The following TRPC6 variants were observed in gnomAD, a reference collection of about 807,000 sequenced individuals.
TRPC6 encodes transient receptor potential cation channel subfamily C member 6.
A neutral mutation model predicts 90.7 loss-of-function variants in TRPC6; 55 were observed. The ratio of observed to expected loss-of-function variants is 0.61; its 90% CI spans 0.49 to 0.76. The LOEUF is 0.76. Ranked by LOEUF, TRPC6 falls within the 30% of genes least tolerant of loss-of-function variation. The pLI is 0.00. For synonymous variants in TRPC6, 393 were observed against 393.0 expected, an observed-to-expected ratio of 1.00 and a Z score of 0.00; for missense variants, 989 against 1,122.7, an observed-to-expected ratio of 0.88 and a Z score of 1.70.
In TRPC6 at chr11:101,485,796, G is replaced by A. The variant is rs139360807; in HGVS notation, c.1294-2631C>T. Among the ~76,000 whole-genome samples the A allele has an allele frequency of 2.0e-3, 300 of 152,172 alleles. 2 individuals are homozygous for A. The highest frequency in any genetic ancestry group is 2.2e-3 in the Admixed American group (34 of 15,256). The stretch of plus-strand genomic sequence containing the variant: ...AACACGAGGTTGGGGACATAAAATG[G>A]AGTTGAAATAAAGCTATCTACCTTA... On this transcript the variant is annotated intron_variant, in intron 4 of 12. Coordinates refer to ENST00000344327, the MANE Select transcript of TRPC6 (RefSeq NM_004621.6).
intron 1 of TRPC6, among the ~76,000 whole-genome samples, chr11:101,575,076 C>T (rs1242172115): frequency 1.3e-5 from 2 of 152,040 alleles, no homozygotes; most frequent in South Asian, 2.1e-4. Flanking sequence ...TATTTTTAGA[C>T]GAATACCATG....
At chr11:101,556,624 A>G (rs2136853868) in intron 1 of TRPC6, among the ~76,000 whole-genome samples, 1 of 152,318 alleles carries the variant, frequency 6.6e-6, no homozygotes, top group South Asian at 2.1e-4. Flanking sequence ...TCTACCAGAC[A>G]TTTAAAGAAG....
rs1311831908 is a variant in TRPC6 at position 101,583,536 on chromosome 11, C to T, written c.-33G>A. On this transcript the variant is annotated 5_prime_UTR_variant, in exon 1 of 13. Transcript: ENST00000344327. Reference sequence around the variant, plus strand: ...ACGCCCGACTGGCCTGGGCCCCGCTCCCGGGGGAGCCGAGTGGGCAGTTCC... The same window carrying T: ...ACGCCCGACTGGCCTGGGCCCCGCTTCCGGGGGAGCCGAGTGGGCAGTTCC... The T allele has an allele frequency of 9.9e-6, 14 of 1,418,300 alleles. No individual in the cohort carries two copies. Among genetic ancestry groups the T allele is most frequent in the Non-Finnish European group, 1.3e-5 (14 of 1,091,924 alleles). 87.9% of individuals were successfully genotyped at this position (1,418,300 alleles called of 1,614,324 possible).
At chr11:101,478,544 G>A (rs1859468093) in intron 5 of TRPC6, among the ~76,000 whole-genome samples, 1 of 152,118 alleles carries the variant, frequency 6.6e-6, no homozygotes, top group South Asian at 2.1e-4. Flanking sequence ...TGGCACAAAT[G>A]ATGTCTTCCT....
chr11:101,578,213 T>C (rs911843859), intron 1 of TRPC6, among the ~76,000 whole-genome samples: 2 of 152,190 alleles, frequency 1.3e-5, no homozygotes, highest in African/African-American at 4.8e-5. Context: ...GTGTAACAGA[T>C]GTTTCAATGA....
At chr11:101,559,028 T>C (rs541621202) in intron 1 of TRPC6, among the ~76,000 whole-genome samples, 67 of 152,034 alleles carry the variant, frequency 4.4e-4, no homozygotes, top group African/African-American at 1.4e-3. Context: ...TGGGATTATA[T>C]CAAACTAAAA....
At chr11:101,468,772 A>G (rs914907561) in intron 10 of TRPC6, among the ~76,000 whole-genome samples, 3 of 152,206 alleles carry the variant, frequency 2.0e-5, no homozygotes, top group African/African-American at 7.2e-5. Context: ...TTAAACCACC[A>G]TGATTTGGAT....
intron 4 of TRPC6, among the ~76,000 whole-genome samples, chr11:101,488,157 G>C (rs917591475): frequency 6.6e-6 from 1 of 152,174 alleles, no homozygotes; most frequent in African/African-American, 2.4e-5. Flanking sequence ...GAGTTAAACA[G>C]ATCCAGAAAT....
intron 10 of TRPC6, among the ~76,000 whole-genome samples, chr11:101,459,716 G>A (rs150083666): frequency 4.7e-4 from 72 of 152,162 alleles, no homozygotes; most frequent in Non-Finnish European, 7.5e-4. Context: ...TATCTGTCCA[G>A]TGACTTATTA....
At chr11:101,575,079 A>C (rs552497354) in intron 1 of TRPC6, among the ~76,000 whole-genome samples, 1 of 152,262 alleles carries the variant, frequency 6.6e-6, no homozygotes, top group South Asian at 2.1e-4. Context: ...TTTTAGACGA[A>C]TACCATGTAA....
At chr11:101,495,693 C>G (rs1047796058) in intron 2 of TRPC6, among the ~76,000 whole-genome samples, 5 of 150,784 alleles carry the variant, frequency 3.3e-5, no homozygotes, top group African/African-American at 1.2e-4. Flanking sequence ...CATCACAAAG[C>G]TATGCTATCA....
At chr11:101,485,128 C>T (rs1333771565) in intron 4 of TRPC6, among the ~76,000 whole-genome samples, 1 of 146,018 alleles carries the variant, frequency 6.8e-6, no homozygotes. Context: ...CCAAAGAATA[C>T]ACACACACAC....
intron 2 of TRPC6, among the ~76,000 whole-genome samples, chr11:101,501,767 GC>G (rs1860133060): frequency 6.6e-6 from 1 of 152,096 alleles, no homozygotes; most frequent in African/African-American, 2.4e-5. Context: ...GCCAGTAACT[GC>G]CCTTTCTCCT....
intron 1 of TRPC6, among the ~76,000 whole-genome samples, chr11:101,582,055 G>A (rs1862208406): frequency 1.3e-5 from 2 of 152,214 alleles, no homozygotes; most frequent in Admixed American, 6.5e-5. Context: ...ATAGTGCATT[G>A]TACAAGTTAA....
At chr11:101,530,613 C>T (rs116463490) in intron 1 of TRPC6, among the ~76,000 whole-genome samples, 198 of 152,246 alleles carry the variant, frequency 1.3e-3, no homozygotes, top group African/African-American at 4.6e-3. Context: ...TGGTAACAGG[C>T]CCATTTTCTG....
At chr11:101,560,124 C>A (rs1053177595) in intron 1 of TRPC6, among the ~76,000 whole-genome samples, 1 of 152,028 alleles carries the variant, frequency 6.6e-6, no homozygotes, top group Non-Finnish European at 1.5e-5. Flanking sequence ...TATGAGTGGG[C>A]AAAATGTATT....
At chr11:101,583,246 C>G in intron 1 of TRPC6, 88 bp downstream of exon 1, 2 of 1,492,414 alleles carry the variant, frequency 1.3e-6, no homozygotes, top group Non-Finnish European at 1.8e-6. Context: ...GTTCAGGACG[C>G]GCGCGGACGG....
chr11:101,548,812 C>T (rs1231891954), intron 1 of TRPC6, among the ~76,000 whole-genome samples: 1 of 151,834 alleles, frequency 6.6e-6, no homozygotes, highest in Non-Finnish European at 1.5e-5. Flanking sequence ...TTACAAAATA[C>T]ATATACTATT....
At position 101,563,708 on chromosome 11, in the gene TRPC6, G is replaced by A. The variant is rs116453274; in HGVS notation, c.170+19626C>T. On this transcript the variant is annotated intron_variant, in intron 1 of 12. Coordinates refer to ENST00000344327, the MANE Select transcript of TRPC6 (RefSeq NM_004621.6). ...GGGCTGGAGGGAGAAGAAAAGAGAGGGGCAGGATGGGAGGAGACACTGTGG... is the reference window on the plus strand; with the variant it reads ...GGGCTGGAGGGAGAAGAAAAGAGAGAGGCAGGATGGGAGGAGACACTGTGG... Among the ~76,000 whole-genome samples the A allele has an allele frequency of 4.1e-3, 620 of 152,158 alleles. 5 individuals carry two copies. Among genetic ancestry groups the A allele is most frequent in the African/African-American group, 0.014 (581 of 41,518 alleles).
Sources: allele counts gnomAD v4.1 joint callset (sites outside exome capture counted in the v4.1 genomes callset), GRCh38; gene constraint gnomAD v4.1.1; transcripts MANE v1.5; gene names NCBI Gene and HGNC (gene_info 2026-07-23, HGNC 2026-07-21).